The following CTNNA2 variants were observed in gnomAD, a reference collection of about 807,000 sequenced individuals.
The protein encoded by CTNNA2 is catenin alpha 2, also known as catenin alpha-2.
In CTNNA2, 42 loss-of-function variants were observed where a neutral mutation model predicts 101.0. The observed-to-expected ratio is 0.42, with a 90% CI of 0.32 to 0.54. The LOEUF (loss-of-function observed/expected upper bound fraction) is 0.54, where lower values mean the gene tolerates loss of function less well. Among genes scored for constraint, CTNNA2 ranks in the 20% least tolerant of loss-of-function variants. The pLI, the probability that CTNNA2 is intolerant of heterozygous loss-of-function variation, is 0.14. For missense variants in CTNNA2, 871 were observed against 1,223.1 expected, an observed-to-expected ratio of 0.71 and a Z score of 4.29; for synonymous variants, 450 against 456.4, an observed-to-expected ratio of 0.99 and a Z score of 0.18.
chr2:79,740,044 A>G (rs894390679), intron 2 of CTNNA2, among the ~76,000 whole-genome samples: 6 of 152,268 alleles, frequency 3.9e-5, no homozygotes, highest in African/African-American at 1.4e-4. Context: ...TCAGAGGTAC[A>G]TGTGCAGGTT....
intron 7 of CTNNA2, among the ~76,000 whole-genome samples, chr2:79,918,588 A>G (rs1574310207): frequency 1.3e-5 from 2 of 152,326 alleles, no homozygotes; most frequent in East Asian, 3.9e-4. Context: ...CTTATCCTCT[A>G]AAAATTTCTA....
At chr2:80,645,870 T>G (rs1674025739) in intron 18 of CTNNA2, among the ~76,000 whole-genome samples, 1 of 152,150 alleles carries the variant, frequency 6.6e-6, no homozygotes, top group Admixed American at 6.6e-5. Flanking sequence ...TTTGGTTGAG[T>G]TAATTCACAA....
intron 7 of CTNNA2, among the ~76,000 whole-genome samples, chr2:80,165,083 C>G (rs2078524): frequency 0.14 from 21,039 of 151,502 alleles, 3,671 homozygotes; most frequent in African/African-American, 0.41. Flanking sequence ...CTTTATATTT[C>G]CAGACACATT....
chr2:79,311,301 C>T (rs865853100), intron 2 of CTNNA2, among the ~76,000 whole-genome samples: 4 of 148,008 alleles, frequency 2.7e-5, no homozygotes, highest in Middle Eastern at 7.5e-3. Flanking sequence ...CCCAGCTACT[C>T]GGGAGGCTGA....
At chr2:80,071,991 G>A (rs1036163779) in intron 7 of CTNNA2, among the ~76,000 whole-genome samples, 1 of 152,186 alleles carries the variant, frequency 6.6e-6, no homozygotes, top group East Asian at 1.9e-4. Flanking sequence ...CAAATGCTTT[G>A]GCAAGGGGAT....
chr2:80,178,038 T>G (rs1705510347), intron 7 of CTNNA2, among the ~76,000 whole-genome samples: 1 of 152,210 alleles, frequency 6.6e-6, no homozygotes, highest in Non-Finnish European at 1.5e-5. Flanking sequence ...ACAAAGCCTG[T>G]GTAAATCAGG....
At chr2:79,762,288 T>C (rs1298567033) in intron 3 of CTNNA2, among the ~76,000 whole-genome samples, 1 of 152,188 alleles carries the variant, frequency 6.6e-6, no homozygotes, top group African/African-American at 2.4e-5. Context: ...CCAGTCTCAA[T>C]TGACAGCAGG....
chr2:79,717,668 G>A (rs1400647541), intron 2 of CTNNA2, among the ~76,000 whole-genome samples: 2 of 152,158 alleles, frequency 1.3e-5, no homozygotes, highest in African/African-American at 4.8e-5. Flanking sequence ...CACATGGTAG[G>A]AAAAAATTAG....
chr2:79,807,765 G>T (rs1049200472), intron 3 of CTNNA2, among the ~76,000 whole-genome samples: 2 of 152,114 alleles, frequency 1.3e-5, no homozygotes, highest in Non-Finnish European at 2.9e-5. Flanking sequence ...AAAGCACAAT[G>T]CTATTATGTG....
chr2:80,224,795 A>G (rs1293566699), intron 7 of CTNNA2, among the ~76,000 whole-genome samples: 1 of 152,106 alleles, frequency 6.6e-6, no homozygotes, highest in African/African-American at 2.4e-5. Context: ...TTGCTAAACT[A>G]TTAGGCCCTC....
At chr2:80,063,200 C>T (rs1020704939) in intron 7 of CTNNA2, among the ~76,000 whole-genome samples, 1 of 152,086 alleles carries the variant, frequency 6.6e-6, no homozygotes, top group Non-Finnish European at 1.5e-5. Flanking sequence ...CTTTTGCTCC[C>T]CTCCTGCCCT....
chr2:79,330,360 G>A (rs1558629807), intron 3 of CTNNA2, among the ~76,000 whole-genome samples: 1 of 152,160 alleles, frequency 6.6e-6, no homozygotes, highest in Non-Finnish European at 1.5e-5. Context: ...AGTCAGCAGA[G>A]GTTTTCCAGA....
At chr2:79,569,775 A>G (rs1035065432) in intron 1 of CTNNA2, among the ~76,000 whole-genome samples, 1 of 152,226 alleles carries the variant, frequency 6.6e-6, no homozygotes, top group African/African-American at 2.4e-5. Flanking sequence ...TTTTTTAAGT[A>G]AGTTAAATAT....
chr2:79,360,779 T>G (rs766183023), intron 3 of CTNNA2, among the ~76,000 whole-genome samples: 1 of 152,148 alleles, frequency 6.6e-6, no homozygotes, highest in South Asian at 2.1e-4. Context: ...TGTCCAATCA[T>G]AGCAAATGTC....
At chr2:80,567,314 G>A (rs954604385) in intron 12 of CTNNA2, among the ~76,000 whole-genome samples, 2 of 152,114 alleles carry the variant, frequency 1.3e-5, no homozygotes, top group Non-Finnish European at 2.9e-5. Flanking sequence ...TGGAACTAAA[G>A]GGAGAGATGT....
chr2:79,594,832 A>G (rs959447930), intron 1 of CTNNA2, among the ~76,000 whole-genome samples: 1 of 152,206 alleles, frequency 6.6e-6, no homozygotes, highest in South Asian at 2.1e-4. Flanking sequence ...TAAAAATTAT[A>G]TCATCATTAT....
At chr2:80,101,752 T>C (rs1320961613) in intron 7 of CTNNA2, among the ~76,000 whole-genome samples, 1 of 152,176 alleles carries the variant, frequency 6.6e-6, no homozygotes, top group Non-Finnish European at 1.5e-5. Flanking sequence ...AGTGTGTATT[T>C]AAGGGACAGT....
chr2:80,042,353 G>T (rs1295101954), intron 7 of CTNNA2, among the ~76,000 whole-genome samples: 1 of 152,160 alleles, frequency 6.6e-6, no homozygotes, highest in African/African-American at 2.4e-5. Context: ...ATGGAGAATG[G>T]CGTCAAGGCT....
chr2:80,266,462 C>A lies in CTNNA2; in HGVS notation c.1057-126749C>A, dbSNP rs577550824. Among the ~76,000 whole-genome samples the A allele has an allele frequency of 3.3e-4, 51 of 152,302 alleles. No homozygotes were observed. In the Middle Eastern group the frequency reaches 0.01, roughly 30 times the overall value. ...GCATCAGCTGTGCCCCTGCCTCTTG[C>A]CAGCTTTTCGCCTACAGGGCCTTCT... On this transcript the variant is annotated intron_variant, in intron 7 of 18. Coordinates refer to ENST00000402739, the MANE Select transcript of CTNNA2 (RefSeq NM_001282597.3).
Sources: allele counts gnomAD v4.1 joint callset (sites outside exome capture counted in the v4.1 genomes callset), GRCh38; gene constraint gnomAD v4.1.1; transcripts MANE v1.5; gene names NCBI Gene and HGNC (gene_info 2026-07-23, HGNC 2026-07-21).